KLRG1: variants seen among roughly 807,000 people sequenced by gnomAD.
KLRG1 encodes the protein killer cell lectin-like receptor subfamily G member 1.
KLRG1 carries 16 observed loss-of-function variants against 21.8 expected under a neutral mutation model. The observed-to-expected ratio is 0.73, with a 90% CI of 0.50 to 1.11. The LOEUF (loss-of-function observed/expected upper bound fraction) is 1.11, where lower values mean the gene tolerates loss of function less well. KLRG1 is among the 50% of genes most tolerant of loss of function. The pLI is 0.00. For missense variants in KLRG1, 173 were observed against 218.3 expected, an observed-to-expected ratio of 0.79 and a Z score of 1.31; for synonymous variants, 69 against 75.9, an observed-to-expected ratio of 0.91 and a Z score of 0.47.
chr12:9,056,656 C>A, the KLRG1 span, among the ~76,000 whole-genome samples: 3 of 152,040 alleles, frequency 2.0e-5, no homozygotes, highest in Admixed American at 1.3e-4. Context: ...AATGATCGTC[C>A]TGCCTCAGCC....
chr12:9,202,824 T>G, the KLRG1 span: 174 of 797,516 alleles, frequency 2.2e-4, no homozygotes, highest in Non-Finnish European at 3.2e-4. Context: ...GACATAAGAG[T>G]GACGATATTA....
the KLRG1 span, chr12:9,196,221 G>T: frequency 3.1e-6 from 2 of 648,668 alleles, no homozygotes; most frequent in East Asian, 2.7e-5. Flanking sequence ...ATGGTTTTTG[G>T]TCATATTAAT....
the KLRG1 span, among the ~76,000 whole-genome samples, chr12:9,097,684 A>C: frequency 7.1e-6 from 1 of 141,360 alleles, no homozygotes; most frequent in African/African-American, 2.7e-5. Context: ...CCCAGGCTGG[A>C]GTGCAGTGGC....
chr12:9,145,674 G>C, the KLRG1 span, among the ~76,000 whole-genome samples: 1 of 152,018 alleles, frequency 6.6e-6, no homozygotes, highest in African/African-American at 2.4e-5. Context: ...TTGCTGTTTA[G>C]TGTCCTTTTC....
At chr12:9,153,235 T>C in the KLRG1 span, 1 of 1,614,162 alleles carries the variant, frequency 6.2e-7, no homozygotes, top group Non-Finnish European at 8.5e-7. Flanking sequence ...ACTTGGAAAT[T>C]TGTAGAAAAG....
chr12:9,141,779 T>C, the KLRG1 span, among the ~76,000 whole-genome samples: 2 of 152,310 alleles, frequency 1.3e-5, no homozygotes, highest in South Asian at 4.1e-4. Context: ...CAACCTTTAC[T>C]TTTGTTGGTA....
chr12:9,080,219 C>T, the KLRG1 span: 1 of 1,348,764 alleles, frequency 7.4e-7, no homozygotes, highest in South Asian at 1.3e-5. Context: ...ATTATTTCTG[C>T]ATTATATCTT....
At chr12:9,023,409 C>T in the KLRG1 span, among the ~76,000 whole-genome samples, 1 of 152,042 alleles carries the variant, frequency 6.6e-6, no homozygotes, top group Non-Finnish European at 1.5e-5. Flanking sequence ...CCTATTCAAT[C>T]TTTTGCATTA....
chr12:9,116,142 A>G, the KLRG1 span: 2 of 382,790 alleles, frequency 5.2e-6, no homozygotes, highest in Admixed American at 7.3e-5. Flanking sequence ...ACCGTACAGC[A>G]GCTAATAAGC....
the KLRG1 span, chr12:9,101,124 G>C: frequency 1.1e-4 from 174 of 1,554,572 alleles, 1 homozygote; most frequent in African/African-American, 2.1e-3. Context: ...CAGCAATGCA[G>C]AGATGATGGA....
chr12:9,080,704 G>A, the KLRG1 span, among the ~76,000 whole-genome samples: 1 of 152,164 alleles, frequency 6.6e-6, no homozygotes, highest in African/African-American at 2.4e-5. Flanking sequence ...GTAAGGAAGT[G>A]AAGACGAACA....
chr12:9,122,489 A>G, the KLRG1 span, among the ~76,000 whole-genome samples: 1 of 152,214 alleles, frequency 6.6e-6, no homozygotes, highest in African/African-American at 2.4e-5. Context: ...AATTACTCAG[A>G]TGATGCTGAT....
the KLRG1 span, among the ~76,000 whole-genome samples, chr12:9,189,281 G>C: frequency 5.3e-5 from 8 of 152,162 alleles, no homozygotes; most frequent in Non-Finnish European, 1.2e-4. Context: ...AAACAGCATA[G>C]TACTTGTACA....
the KLRG1 span, among the ~76,000 whole-genome samples, chr12:9,133,166 G>A: frequency 2.0e-5 from 3 of 152,190 alleles, no homozygotes; most frequent in Non-Finnish European, 4.4e-5. Flanking sequence ...TTGAATTTGA[G>A]GTTCTTTTGA....
chr12:9,163,462 A>C, the KLRG1 span, among the ~76,000 whole-genome samples: 1 of 152,144 alleles, frequency 6.6e-6, no homozygotes, highest in South Asian at 2.1e-4. Context: ...CAAAAAAAAA[A>C]AAGGAAATTG....
the KLRG1 span, chr12:9,068,792 T>C: frequency 5.0e-6 from 8 of 1,609,314 alleles, no homozygotes; most frequent in African/African-American, 1.1e-4. Context: ...GATCTCTTAC[T>C]GGGACATCTT....
At chr12:9,009,158 A>G (rs1947566733) in intron 4 of KLRG1, 83 bp downstream of exon 4, 1 of 1,086,668 alleles carries the variant, frequency 9.2e-7, no homozygotes, top group Admixed American at 2.4e-5. Flanking sequence ...TAGATAAAGA[A>G]GAGCAGATGG....
At chr12:9,154,834 G>C in the KLRG1 span, 3 of 1,613,704 alleles carry the variant, frequency 1.9e-6, no homozygotes, top group South Asian at 3.3e-5. Flanking sequence ...CAATGGACGA[G>C]GTTGTCTTAA....
the KLRG1 span, among the ~76,000 whole-genome samples, chr12:9,154,360 A>T: frequency 2.6e-5 from 4 of 152,286 alleles, no homozygotes; most frequent in East Asian, 1.9e-4. Context: ...GTGTCCAATG[A>T]CCATAGCGTG....
Sources: gnomAD v4.1 joint callset for allele counts (sites outside exome capture counted in the v4.1 genomes callset) on GRCh38, gnomAD v4.1.1 for gene constraint, MANE v1.5 for transcripts, NCBI Gene and HGNC (gene_info 2026-07-23, HGNC 2026-07-21) for gene names.